Variants in VAC14 observed in about 807,000 individuals in gnomAD.
VAC14 encodes the protein protein VAC14 homolog.
A neutral mutation model predicts 85.3 loss-of-function variants in VAC14; 47 were observed. The observed-to-expected ratio is 0.55, with a 90% CI of 0.44 to 0.70. VAC14 has a LOEUF of 0.70. Ranked by LOEUF, VAC14 falls within the 30% of genes least tolerant of loss-of-function variation. VAC14 has a pLI of 0.00. For missense variants in VAC14, 861 were observed against 1,004.3 expected (o/e 0.86, Z 1.93); for synonymous variants, 447 against 430.5 (o/e 1.04, Z -0.47).
chr16:70,723,756 G>T (rs145533579), intron 14 of VAC14, among the ~76,000 whole-genome samples: 1 of 152,268 alleles, frequency 6.6e-6, no homozygotes, highest in African/African-American at 2.4e-5. Flanking sequence ...CTTCTCAGGT[G>T]TGCAGACAAC....
At chr16:70,739,111 T>C (rs2030001560) in intron 13 of VAC14, among the ~76,000 whole-genome samples, 1 of 152,200 alleles carries the variant, frequency 6.6e-6, no homozygotes, top group Admixed American at 6.5e-5. Flanking sequence ...GCCTAGCCCT[T>C]GCCATGTGGG....
At chr16:70,701,004 G>A (rs1291809472) in intron 14 of VAC14, among the ~76,000 whole-genome samples, 2 of 152,180 alleles carry the variant, frequency 1.3e-5, no homozygotes, top group Non-Finnish European at 2.9e-5. Flanking sequence ...TGGTGGTGAG[G>A]AGAAGCGGGC....
At chr16:70,740,733 T>C (rs1048680441) in intron 13 of VAC14, among the ~76,000 whole-genome samples, 1 of 152,084 alleles carries the variant, frequency 6.6e-6, no homozygotes, top group Non-Finnish European at 1.5e-5. Context: ...CTGCTCCCCA[T>C]CCTGTTTGCC....
At chr16:70,744,787 C>T (rs1473083373) in intron 12 of VAC14, 6 of 535,950 alleles carry the variant, frequency 1.1e-5, no homozygotes, top group African/African-American at 2.0e-5. Context: ...ACACAGACTA[C>T]AGTGAATGGG....
intron 14 of VAC14, among the ~76,000 whole-genome samples, chr16:70,731,109 A>C (rs191072287): frequency 6.6e-6 from 1 of 152,316 alleles, no homozygotes; most frequent in East Asian, 1.9e-4. Flanking sequence ...GGCTCCACCA[A>C]GCCTGGCTAA....
chr16:70,739,576 C>T (rs549415514), intron 13 of VAC14, among the ~76,000 whole-genome samples: 4 of 152,190 alleles, frequency 2.6e-5, no homozygotes, highest in South Asian at 4.2e-4. Context: ...TGTGGGCTCT[C>T]GGGCCAGGCT....
chr16:70,693,392 C>A (rs561618454), intron 17 of VAC14, among the ~76,000 whole-genome samples: 1 of 152,216 alleles, frequency 6.6e-6, no homozygotes, highest in African/African-American at 2.4e-5. Flanking sequence ...TGGCTCCACA[C>A]GTGCCAGCAC....
chr16:70,735,915 C>A (rs2054736159), intron 13 of VAC14, among the ~76,000 whole-genome samples: 1 of 152,250 alleles, frequency 6.6e-6, no homozygotes, highest in African/African-American at 2.4e-5. Context: ...GATCGAGTTA[C>A]CCCAGGCCCA....
At chr16:70,768,130 C>G (rs1331723301) in intron 10 of VAC14, among the ~76,000 whole-genome samples, 1 of 152,232 alleles carries the variant, frequency 6.6e-6, no homozygotes, top group Non-Finnish European at 1.5e-5. Flanking sequence ...AAGCAACCAG[C>G]CTGCCTTGGC....
At chr16:70,737,801 G>C (rs570857224) in intron 13 of VAC14, among the ~76,000 whole-genome samples, 3 of 152,352 alleles carry the variant, frequency 2.0e-5, no homozygotes, top group African/African-American at 4.8e-5. Flanking sequence ...CACATGTCAG[G>C]ATAAAAATAA....
intron 10 of VAC14, among the ~76,000 whole-genome samples, chr16:70,766,257 G>T (rs77037380): frequency 2.6e-5 from 4 of 152,312 alleles, no homozygotes; most frequent in Non-Finnish European, 5.9e-5. Flanking sequence ...CAAGATGTCA[G>T]GCTGGTTGGC....
intron 17 of VAC14, among the ~76,000 whole-genome samples, chr16:70,694,603 G>A (rs1035305132): frequency 6.6e-6 from 1 of 152,250 alleles, no homozygotes; most frequent in Non-Finnish European, 1.5e-5. Context: ...CAGAGACGCT[G>A]CCAGAGAGTG....
intron 14 of VAC14, among the ~76,000 whole-genome samples, chr16:70,708,672 G>A (rs1013127211): frequency 2.0e-5 from 3 of 152,364 alleles, no homozygotes; most frequent in South Asian, 2.1e-4. Flanking sequence ...GGGGACAGGC[G>A]TGTAACCCTG....
chr16:70,727,327 T>C (rs2054458325), intron 14 of VAC14, among the ~76,000 whole-genome samples: 1 of 152,176 alleles, frequency 6.6e-6, no homozygotes, highest in Non-Finnish European at 1.5e-5. Flanking sequence ...TGCCTCTCTT[T>C]ATTTATTTAT....
Position 70,762,834 on chromosome 16 carries a change from A to G in VAC14, c.1305+47T>C. ...ACTATGGGCAGGCCCTGGAAAACCA[A>G]GGCGGACCCAGAAGAGGCCCCTGGC... On this transcript the variant is annotated intron_variant, in intron 11 of 18. Transcript: ENST00000261776. The surrounding 1 kb of genome is among the most constrained non-coding windows in gnomAD (Gnocchi z 4.1). 1 of 1,612,404 alleles carries G rather than the reference A, an allele frequency of 6.2e-7. No homozygotes were observed. Among genetic ancestry groups the G allele is most frequent in the Non-Finnish European group, 8.5e-7 (1 of 1,178,992 alleles).
At chr16:70,761,545 G>A (rs1047434794) in intron 12 of VAC14, among the ~76,000 whole-genome samples, 16 of 152,226 alleles carry the variant, frequency 1.1e-4, no homozygotes, top group African/African-American at 3.1e-4. Flanking sequence ...AGGGGAACCC[G>A]GTAAAGGAAC....
At chr16:70,779,139 G>C (rs2033683156) in intron 9 of VAC14, 1 of 152,252 alleles carries the variant, frequency 6.6e-6, no homozygotes, top group Non-Finnish European at 1.5e-5. Context: ...GCCTCCAGCT[G>C]TTTTGTTGCT....
intron 14 of VAC14, among the ~76,000 whole-genome samples, chr16:70,725,083 G>A (rs1453009933): frequency 2.0e-5 from 3 of 152,256 alleles, no homozygotes; most frequent in Non-Finnish European, 4.4e-5. Flanking sequence ...GGGGCCAGAG[G>A]CAAACAGGGA....
intron 10 of VAC14, chr16:70,771,357 T>A (rs778840674): frequency 1.3e-5 from 2 of 152,118 alleles, no homozygotes. Flanking sequence ...TGGACATGAT[T>A]AATGACTGCC....
Sources: gnomAD v4.1 joint callset for allele counts (sites outside exome capture counted in the v4.1 genomes callset) on GRCh38, gnomAD v4.1.1 for gene constraint, Gnocchi (gnomAD v3.1) non-coding constraint, MANE v1.5 for transcripts, NCBI Gene and HGNC (gene_info 2026-07-23, HGNC 2026-07-21) for gene names.